The following JARID2 variants were observed in gnomAD, a reference collection of about 807,000 sequenced individuals.
JARID2 encodes the protein jumonji and AT-rich interaction domain containing 2, also known as protein Jumonji.
In JARID2, 21 loss-of-function variants were observed where a neutral mutation model predicts 125.6. The observed-to-expected ratio is 0.17, with a 90% CI of 0.12 to 0.24. The LOEUF (loss-of-function observed/expected upper bound fraction) is 0.24. JARID2 is among the 10% of genes least tolerant of loss of function. The pLI is 1.00. For synonymous variants in JARID2, 736 were observed against 661.6 expected (o/e 1.11, Z -1.73); for missense variants, 1,303 against 1,639.6 (o/e 0.79, Z 3.55).
intron 3 of JARID2, among the ~76,000 whole-genome samples, chr6:15,441,283 G>GT (rs1261003068): frequency 6.6e-6 from 1 of 152,192 alleles, no homozygotes; most frequent in Admixed American, 6.5e-5. Context: ...TACTAATAGC[G>GT]TTGATAGACC....
intron 1 of JARID2, among the ~76,000 whole-genome samples, chr6:15,252,937 T>C (rs1302118951): frequency 1.3e-5 from 2 of 152,234 alleles, no homozygotes; most frequent in African/African-American, 4.8e-5. Context: ...AACTCCGTGG[T>C]ATCTGTCTAC....
intron 1 of JARID2, among the ~76,000 whole-genome samples, chr6:15,322,761 G>A (rs962860484): frequency 2.6e-5 from 4 of 152,216 alleles, no homozygotes; most frequent in African/African-American, 9.6e-5. Flanking sequence ...TGTATGAGAA[G>A]TTGGTGAACC....
At chr6:15,392,040 G>A (rs1581495045) in intron 2 of JARID2, among the ~76,000 whole-genome samples, 1 of 9,992 alleles carries the variant, frequency 1.0e-4, no homozygotes, top group South Asian at 4.5e-3. Context: ...TCCCAGAGTG[G>A]TGTGTGTGTG....
At chr6:15,267,220 T>C (rs755053368) in intron 1 of JARID2, among the ~76,000 whole-genome samples, 3 of 152,210 alleles carry the variant, frequency 2.0e-5, no homozygotes, top group Middle Eastern at 3.2e-3. Context: ...TGGAGTGTTA[T>C]TCTCTTACTC....
At chr6:15,477,805 C>G (rs1236064655) in intron 5 of JARID2, among the ~76,000 whole-genome samples, 2 of 152,142 alleles carry the variant, frequency 1.3e-5, no homozygotes. Context: ...TTATCATTAA[C>G]ATAATGTGAT....
chr6:15,467,309 T>G (rs998394153), intron 4 of JARID2, among the ~76,000 whole-genome samples: 1 of 152,150 alleles, frequency 6.6e-6, no homozygotes, highest in African/African-American at 2.4e-5. Context: ...GGAGAGTGAA[T>G]TGGTGATCTA....
At chr6:15,380,632 G>A (rs946050425) in intron 2 of JARID2, among the ~76,000 whole-genome samples, 14 of 152,174 alleles carry the variant, frequency 9.2e-5, no homozygotes, top group African/African-American at 3.4e-4. Flanking sequence ...TGTAGCCAAG[G>A]ACCAGTATTG....
At chr6:15,404,519 G>GCGCACACA (rs1193569035) in intron 2 of JARID2, among the ~76,000 whole-genome samples, 7 of 138,270 alleles carry the variant, frequency 5.1e-5, no homozygotes, top group African/African-American at 1.9e-4. Context: ...ATCTTAAAGT[G>GCGCACACA]CACACACACA....
chr6:15,380,507 C>T lies in JARID2; in HGVS notation c.181+6255C>T, dbSNP rs1427876759. Reference sequence around the variant, plus strand: ...CTTCAGTCAGACACACAGATGCATCCGTTAGTTTCCATTTCCTCACTTAGA... The same window carrying T: ...CTTCAGTCAGACACACAGATGCATCTGTTAGTTTCCATTTCCTCACTTAGA... On this transcript the variant is annotated intron_variant, in intron 2 of 17. Transcript: ENST00000341776. Among the ~76,000 whole-genome samples, 3 of 152,202 alleles carry T rather than the reference C, an allele frequency of 2.0e-5. No homozygotes were observed. In the East Asian group the frequency reaches 5.8e-4, roughly 29 times the overall value.
At chr6:15,397,046 C>G (rs752648396) in intron 2 of JARID2, among the ~76,000 whole-genome samples, 3 of 152,200 alleles carry the variant, frequency 2.0e-5, no homozygotes. Context: ...ACCAAGCCTT[C>G]TTGGAAAGCA....
At chr6:15,426,606 G>T (rs1457568912) in intron 3 of JARID2, among the ~76,000 whole-genome samples, 1 of 152,208 alleles carries the variant, frequency 6.6e-6, no homozygotes, top group Non-Finnish European at 1.5e-5. Flanking sequence ...ATCAATATTT[G>T]TTGAATGGAT....
intron 1 of JARID2, among the ~76,000 whole-genome samples, chr6:15,320,838 TTCTC>T (rs71535032): frequency 2.4e-4 from 34 of 144,512 alleles, no homozygotes; most frequent in South Asian, 1.3e-3. Flanking sequence ...ATATGATTCA[TTCTC>T]TCTCTCTCTC....
intron 3 of JARID2, among the ~76,000 whole-genome samples, chr6:15,412,058 C>CT: frequency 6.6e-6 from 1 of 152,348 alleles, no homozygotes; most frequent in South Asian, 2.1e-4. Flanking sequence ...AAGAGGAACT[C>CT]TTTTTCAGAG....
intron 16 of JARID2, among the ~76,000 whole-genome samples, chr6:15,514,651 C>G (rs1169354471): frequency 6.6e-6 from 1 of 151,490 alleles, no homozygotes; most frequent in East Asian, 1.9e-4. Context: ...CAGATCAGGG[C>G]TTTGTAACAT....
At chr6:15,499,036 AC>A (rs752739033) in intron 7 of JARID2, among the ~76,000 whole-genome samples, 7 of 150,004 alleles carry the variant, frequency 4.7e-5, no homozygotes, top group Non-Finnish European at 8.9e-5. Flanking sequence ...TTTACCCTCG[AC>A]TCCCTTACCC....
intron 3 of JARID2, among the ~76,000 whole-genome samples, chr6:15,415,156 C>G (rs549636702): frequency 4.6e-5 from 7 of 152,352 alleles, no homozygotes; most frequent in African/African-American, 1.4e-4. Flanking sequence ...AACAGGATCA[C>G]GAGGCAGAAG....
Position 15,246,373 on chromosome 6 carries a change from A to T in JARID2, c.-167A>T. The T allele has an allele frequency of 9.0e-6, 5 of 554,460 alleles. No homozygotes were observed. The highest frequency in any genetic ancestry group is 3.5e-5 in the Admixed American group (1 of 28,980). The allele number at this position is 554,460 out of a possible 1,614,324, so 34.3% of individuals were successfully genotyped here. A position where few individuals can be genotyped will look rare whatever the true frequency, so the allele number is the denominator to read the frequency against. The stretch of plus-strand genomic sequence containing the variant: ...TTTTTTCCTTCCCAATTTCGGATTT[A>T]TTTCAAGGCGAATCTGGCTTTGGGG... On this transcript the variant is annotated 5_prime_UTR_variant, in exon 1 of 18. Transcript: ENST00000341776.
intron 1 of JARID2, among the ~76,000 whole-genome samples, chr6:15,319,778 A>G (rs1762293657): frequency 6.6e-6 from 1 of 152,214 alleles, no homozygotes. Flanking sequence ...TTAACTTTAT[A>G]TGATGAAAAA....
At chr6:15,515,739 A>G (rs1771514630) in intron 16 of JARID2, among the ~76,000 whole-genome samples, 1 of 145,564 alleles carries the variant, frequency 6.9e-6, no homozygotes, top group South Asian at 2.3e-4. Context: ...ACAGAGTGAC[A>G]ACCTGTCTCT....
Sources: allele counts gnomAD v4.1 joint callset (sites outside exome capture counted in the v4.1 genomes callset), GRCh38; gene constraint gnomAD v4.1.1; transcripts MANE v1.5; gene names NCBI Gene and HGNC (gene_info 2026-07-23, HGNC 2026-07-21).